Variants in TG observed in about 807,000 individuals in gnomAD.
The protein encoded by TG is thyroglobulin.
In TG, 270 loss-of-function variants were observed where a neutral mutation model predicts 324.7. The ratio of observed to expected loss-of-function variants is 0.83; its 90% CI spans 0.75 to 0.92. TG has a LOEUF of 0.92. TG is among the 40% of genes least tolerant of loss of function. The pLI is 0.00. For missense variants in TG, 3,591 were observed against 3,456.4 expected (o/e 1.04, Z -0.98); for synonymous variants, 1,401 against 1,327.0 (o/e 1.06, Z -1.21).
Position 132,935,764 on chromosome 8 carries a change from T to C in TG, c.4941T>C (p.Asp1647=), listed in dbSNP as rs573560722. Residue 1647 remains aspartate, a synonymous_variant, in exon 25 of 48, where the codon GAT becomes GAC. Coordinates refer to ENST00000220616, the MANE Select transcript of TG (RefSeq NM_003235.5). The part of the protein sequence containing the change: ...VACMTSDQKR[D]ALGNSKATSF... ...CATCTTTCCATCTCCAGAAACGAGA[T>C]GCACTGGGGAACTCAAAGGCCACCA... 2 of 1,612,568 alleles carry C rather than the reference T, an allele frequency of 1.2e-6. No homozygotes were observed. The highest frequency in any genetic ancestry group is 1.3e-5 in the African/African-American group (1 of 75,010).
chr8:132,992,378 G>GTGGCTTCAATTCTA (rs1564051393), intron 35 of TG, among the ~76,000 whole-genome samples: 21 of 152,212 alleles, frequency 1.4e-4, no homozygotes, highest in Admixed American at 1.3e-3. Flanking sequence ...AATCAATTCT[G>GTGGCTTCAATTCTA]TGTGGCTTCA....
chr8:133,098,074 G>A (rs767598482), intron 43 of TG, among the ~76,000 whole-genome samples: 3 of 152,042 alleles, frequency 2.0e-5, no homozygotes, highest in Non-Finnish European at 4.4e-5. Flanking sequence ...CATTTTTTCT[G>A]CCAAGCACTC....
chr8:133,070,950 A>G (rs1308373119), intron 41 of TG, among the ~76,000 whole-genome samples: 1 of 152,206 alleles, frequency 6.6e-6, no homozygotes, highest in East Asian at 1.9e-4. Flanking sequence ...CCCTAATTTT[A>G]TCTAATTTTC....
At chr8:132,997,063 T>C (rs1832951559) in intron 35 of TG, among the ~76,000 whole-genome samples, 1 of 152,238 alleles carries the variant, frequency 6.6e-6, no homozygotes, top group South Asian at 2.1e-4. Flanking sequence ...AGGGACAATA[T>C]TCACTTGTAA....
chr8:133,019,302 G>A (rs774613493), intron 38 of TG, among the ~76,000 whole-genome samples: 2 of 152,218 alleles, frequency 1.3e-5, no homozygotes, highest in Non-Finnish European at 2.9e-5. Flanking sequence ...GTCCTGAGTG[G>A]CTTTCATTGT....
intron 35 of TG, among the ~76,000 whole-genome samples, chr8:133,004,977 AG>A (rs953726771): frequency 2.0e-5 from 3 of 152,276 alleles, no homozygotes; most frequent in African/African-American, 7.2e-5. Flanking sequence ...CACTGGGAGG[AG>A]GCGATAAGGA....
chr8:132,995,039 C>G, intron 35 of TG: 2 of 960,042 alleles, frequency 2.1e-6, no homozygotes, highest in South Asian at 5.2e-5. Flanking sequence ...TTTTTCCCTT[C>G]TGCTTTTGTG....
intron 29 of TG, among the ~76,000 whole-genome samples, chr8:132,963,843 CT>C (rs1488588858): frequency 6.6e-6 from 1 of 152,070 alleles, no homozygotes; most frequent in Admixed American, 6.6e-5. Context: ...AAACGTCATG[CT>C]ACAGAGCAGA....
At chr8:133,092,766 G>T (rs977689124) in intron 41 of TG, among the ~76,000 whole-genome samples, 2 of 152,256 alleles carry the variant, frequency 1.3e-5, no homozygotes, top group Admixed American at 1.3e-4. Flanking sequence ...CGAGTGCTTT[G>T]TCTCTAATCA....
chr8:132,883,257 AT>A (rs1320580206), intron 8 of TG: 2 of 506,308 alleles, frequency 4.0e-6, no homozygotes, highest in African/African-American at 3.9e-5. Context: ...ATAAAAGAGA[AT>A]TGAGTTCCCA....
At position 133,042,052 on chromosome 8, in the gene TG, G is replaced by T. The variant is rs541443800; in HGVS notation, c.7239+12029G>T. 2.0e-5 allele frequency among the ~76,000 whole-genome samples: 3 copies of T among 152,088 alleles called. No individual in the cohort carries two copies. The South Asian group carries it at 6.2e-4, about 32-fold the overall frequency. ...TCCACCCACCTCAGCCTCCCAAAGT[G>T]CTGGGATTACAGGTGTGAGCCACCA... is the stretch of plus-strand genomic sequence containing the variant. On this transcript the variant is annotated intron_variant, in intron 41 of 47. Transcript: ENST00000220616.
At chr8:133,082,180 T>A (rs1391120340) in intron 41 of TG, among the ~76,000 whole-genome samples, 2 of 152,124 alleles carry the variant, frequency 1.3e-5, no homozygotes, top group African/African-American at 2.4e-5. Flanking sequence ...TGAAGGGAAT[T>A]TTTTCAAGGG....
In TG at chr8:133,095,209, G is replaced by A. The variant is rs1184950384; in HGVS notation, c.7404+1G>A. 1.2e-6 allele frequency: 2 copies of A among 1,614,190 alleles called. No individual in the cohort carries two copies. The highest frequency in any genetic ancestry group is 2.2e-5 in the South Asian group (2 of 91,082). On this transcript the variant is annotated splice_donor_variant, in intron 42 of 47. Transcript: ENST00000220616. LOFTEE classifies it high-confidence loss of function. ...TGTCCTCAATGATGCCCAGACCAAGGTGAGCACTTAAGTGCAAGTTGGGAA... is the reference window on the plus strand; with the variant it reads ...TGTCCTCAATGATGCCCAGACCAAGATGAGCACTTAAGTGCAAGTTGGGAA...
rs1834585284 is a variant in TG at position 133,012,278 on chromosome 8, CAGA to C, written c.6397+248_6397+250del. On this transcript the variant is annotated intron_variant, in intron 36 of 47. Coordinates refer to ENST00000220616, the MANE Select transcript of TG (RefSeq NM_003235.5). ...ACATAAACCCAGGTCAGAGGAAGAT[CAGA>C]AGAATGATCTAGTGGGTTAGTCTGA... is the stretch of plus-strand genomic sequence containing the variant. 2.6e-5 allele frequency among the ~76,000 whole-genome samples: 4 copies of C among 152,238 alleles called. No homozygotes were observed. In the South Asian group the frequency reaches 8.3e-4, roughly 32 times the overall value.
chr8:133,076,692 A>T (rs997506067), intron 41 of TG: 1 of 145,514 alleles, frequency 6.9e-6, no homozygotes, highest in Non-Finnish European at 1.5e-5. Context: ...CTCTGAATTT[A>T]TTCCCTGTCA....
intron 15 of TG, among the ~76,000 whole-genome samples, chr8:132,900,741 C>T (rs1448331827): frequency 6.6e-6 from 1 of 152,176 alleles, no homozygotes; most frequent in Non-Finnish European, 1.5e-5. Context: ...TAAATGCTCC[C>T]ATCATCTTCG....
intron 43 of TG, among the ~76,000 whole-genome samples, chr8:133,105,280 A>G (rs901138870): frequency 6.6e-5 from 10 of 152,196 alleles, no homozygotes; most frequent in African/African-American, 2.4e-4. Flanking sequence ...GCCAAGAGCA[A>G]CATCTCTGCT....
At chr8:133,051,003 G>C in intron 41 of TG, 2 of 740,704 alleles carry the variant, frequency 2.7e-6, no homozygotes, top group Non-Finnish European at 4.8e-6. Context: ...AGGGTATGAA[G>C]ATGAGATTTT....
intron 40 of TG, among the ~76,000 whole-genome samples, 175 bp from the exon 41 acceptor site, chr8:133,029,646 C>T (rs764232702): frequency 6.6e-6 from 1 of 152,228 alleles, no homozygotes; most frequent in Non-Finnish European, 1.5e-5. Context: ...GGTCTCAAGG[C>T]CCATGCTCCT....
Sources: allele counts gnomAD v4.1 joint callset (sites outside exome capture counted in the v4.1 genomes callset), GRCh38; gene constraint gnomAD v4.1.1; transcripts MANE v1.5; gene names NCBI Gene and HGNC (gene_info 2026-07-23, HGNC 2026-07-21).